Variants in RIMS1 observed in about 807,000 individuals in gnomAD.
RIMS1 encodes the protein regulating synaptic membrane exocytosis 1.
RIMS1 carries 83 observed loss-of-function variants against 214.1 expected under a neutral mutation model. The ratio of observed to expected loss-of-function variants is 0.39; its 90% CI spans 0.32 to 0.47. The LOEUF (loss-of-function observed/expected upper bound fraction) is 0.47. Ranked by LOEUF, RIMS1 falls within the 20% of genes least tolerant of loss-of-function variation. RIMS1 has a pLI of 0.99. For synonymous variants in RIMS1, 793 were observed against 786.8 expected (o/e 1.01, Z -0.13); for missense variants, 2,050 against 2,161.8 (o/e 0.95, Z 1.03).
intron 12 of RIMS1, 74 bp downstream of exon 12, chr6:72,248,201 C>T (rs915254345): frequency 1.2e-5 from 10 of 868,190 alleles, no homozygotes; most frequent in South Asian, 5.2e-5. Context: ...TAAATATGTT[C>T]GCCTTTCCTT....
chr6:72,376,601 G>A (rs2098387098), intron 29 of RIMS1, among the ~76,000 whole-genome samples: 1 of 152,048 alleles, frequency 6.6e-6, no homozygotes, highest in Non-Finnish European at 1.5e-5. Flanking sequence ...ACAAAAATTA[G>A]CTGGGCGTAG....
chr6:72,206,498 G>T (rs1464390495), intron 6 of RIMS1, among the ~76,000 whole-genome samples: 4 of 152,044 alleles, frequency 2.6e-5, no homozygotes, highest in Non-Finnish European at 4.4e-5. Flanking sequence ...ATGTTTAAAT[G>T]ATTTCATTTT....
chr6:72,250,150 A>G (rs1188228548), intron 12 of RIMS1, among the ~76,000 whole-genome samples, 180 bp from the exon 13 acceptor site: 2 of 152,210 alleles, frequency 1.3e-5, no homozygotes, highest in Non-Finnish European at 2.9e-5. Context: ...AAGTACTCAA[A>G]GAGAAAAGTA....
At chr6:71,944,802 C>A (rs1156325311) in intron 1 of RIMS1, among the ~76,000 whole-genome samples, 1 of 152,084 alleles carries the variant, frequency 6.6e-6, no homozygotes, top group East Asian at 1.9e-4. Flanking sequence ...TATGCACTGG[C>A]ATTCAGATCA....
At chr6:72,157,418 A>AT (rs201898055) in intron 4 of RIMS1, among the ~76,000 whole-genome samples, 3,437 of 139,462 alleles carry the variant, frequency 0.025, 304 homozygotes, top group African/African-American at 0.081. Context: ...TGATTTGCCT[A>AT]TTTTTTTATT....
chr6:72,127,279 G>A (rs755517792), intron 4 of RIMS1, among the ~76,000 whole-genome samples: 4 of 151,798 alleles, frequency 2.6e-5, no homozygotes, highest in Admixed American at 6.6e-5. Flanking sequence ...TTCTTTCTCA[G>A]AGGCTAATAC....
intron 1 of RIMS1, among the ~76,000 whole-genome samples, chr6:71,927,865 ATTGCCAC>A (rs941942406): frequency 1.1e-4 from 17 of 152,160 alleles, no homozygotes; most frequent in African/African-American, 3.1e-4. Context: ...GCATTTATAA[ATTGCCAC>A]TTGCCAATTT....
intron 1 of RIMS1, among the ~76,000 whole-genome samples, chr6:71,901,162 T>C (rs879720619): frequency 6.6e-6 from 1 of 152,070 alleles, no homozygotes; most frequent in Non-Finnish European, 1.5e-5. Flanking sequence ...GTCTTATATA[T>C]TGATTGTGGG....
chr6:71,922,048 C>T (rs764113257), intron 1 of RIMS1, among the ~76,000 whole-genome samples: 14 of 152,186 alleles, frequency 9.2e-5, no homozygotes, highest in African/African-American at 2.9e-4. Flanking sequence ...CACCCAGCTT[C>T]GGTCTATTTC....
chr6:71,966,855 G>T (rs1794605300), intron 1 of RIMS1, among the ~76,000 whole-genome samples: 1 of 151,892 alleles, frequency 6.6e-6, no homozygotes, highest in African/African-American at 2.4e-5. Context: ...AAAAATGTTT[G>T]CTTACAAACC....
At chr6:71,941,094 A>G (rs113521288) in intron 1 of RIMS1, among the ~76,000 whole-genome samples, 140 of 152,268 alleles carry the variant, frequency 9.2e-4, no homozygotes, top group African/African-American at 3.2e-3. Flanking sequence ...TTTTCCTTAT[A>G]TCATGATGTA....
intron 4 of RIMS1, among the ~76,000 whole-genome samples, chr6:72,102,584 G>T (rs983745863): frequency 6.6e-6 from 1 of 151,966 alleles, no homozygotes; most frequent in Non-Finnish European, 1.5e-5. Flanking sequence ...AAATAAATAT[G>T]CTTTTATAGA....
intron 2 of RIMS1, among the ~76,000 whole-genome samples, chr6:72,052,681 T>A (rs1306093067): frequency 6.6e-6 from 1 of 152,046 alleles, no homozygotes; most frequent in Non-Finnish European, 1.5e-5. Context: ...AAAAATAATA[T>A]GAGATTTACT....
intron 2 of RIMS1, among the ~76,000 whole-genome samples, chr6:72,002,948 T>A (rs999200661): frequency 6.6e-6 from 1 of 152,228 alleles, no homozygotes; most frequent in African/African-American, 2.4e-5. Flanking sequence ...GCTAGTCTCC[T>A]TACTTCTGTC....
intron 4 of RIMS1, among the ~76,000 whole-genome samples, chr6:72,120,671 T>C (rs900452638): frequency 3.3e-5 from 5 of 151,904 alleles, no homozygotes; most frequent in Admixed American, 1.3e-4. Context: ...ATCCCATTTG[T>C]CTATTTTGGC....
intron 2 of RIMS1, among the ~76,000 whole-genome samples, chr6:72,075,409 C>T (rs1831572019): frequency 6.6e-6 from 1 of 151,718 alleles, no homozygotes; most frequent in East Asian, 1.9e-4. Context: ...TACTCAGCCT[C>T]TTTAAGTATT....
chr6:72,193,747 A>G (rs1243892507), intron 6 of RIMS1, among the ~76,000 whole-genome samples: 1 of 152,186 alleles, frequency 6.6e-6, no homozygotes, highest in African/African-American at 2.4e-5. Flanking sequence ...TGCATCTATA[A>G]TAGGATGCTA....
chr6:72,296,629 T>TAA (rs1445833786), intron 26 of RIMS1, among the ~76,000 whole-genome samples: 7 of 152,104 alleles, frequency 4.6e-5, no homozygotes. Context: ...GTTGGCCTGA[T>TAA]AATTAACTAT....
intron 29 of RIMS1, among the ~76,000 whole-genome samples, chr6:72,371,723 A>G (rs2098227405): frequency 6.6e-6 from 1 of 152,156 alleles, no homozygotes; most frequent in African/African-American, 2.4e-5. Context: ...GCAGGACCCA[A>G]CCAGTCCCTG....
Sources: gnomAD v4.1 joint callset for allele counts (sites outside exome capture counted in the v4.1 genomes callset) on GRCh38, gnomAD v4.1.1 for gene constraint, MANE v1.5 for transcripts, NCBI Gene and HGNC (gene_info 2026-07-23, HGNC 2026-07-21) for gene names.